PDS5A: variants seen among roughly 807,000 people sequenced by gnomAD.
PDS5A encodes sister chromatid cohesion protein PDS5 homolog A.
In PDS5A, 42 loss-of-function variants were observed where a neutral mutation model predicts 167.1. The ratio of observed to expected loss-of-function variants is 0.25; its 90% CI spans 0.20 to 0.33. The LOEUF is 0.33. Ranked by LOEUF, PDS5A falls within the 10% of genes least tolerant of loss-of-function variation. The pLI, the probability that PDS5A is intolerant of heterozygous loss-of-function variation, is 1.00. For synonymous variants in PDS5A, 553 were observed against 554.6 expected, an observed-to-expected ratio of 1.00 and a Z score of 0.04; for missense variants, 1,033 against 1,605.9, an observed-to-expected ratio of 0.64 and a Z score of 6.10.
intron 8 of PDS5A, 30 bp downstream of exon 8, chr4:39,917,018 A>G (rs1317684902): frequency 7.3e-7 from 1 of 1,363,662 alleles, no homozygotes; most frequent in Non-Finnish European, 9.6e-7. Context: ...AAAAAATTAA[A>G]AAAAAAAAAA....
chr4:39,885,438 A>G (rs1159100638), intron 17 of PDS5A, among the ~76,000 whole-genome samples: 1 of 151,512 alleles, frequency 6.6e-6, no homozygotes, highest in East Asian at 1.9e-4. Context: ...CTTCTCTACT[A>G]AAGAACTTTT....
At chr4:39,890,018 C>T (rs868642649) in intron 17 of PDS5A, among the ~76,000 whole-genome samples, 12 of 152,096 alleles carry the variant, frequency 7.9e-5, no homozygotes, top group African/African-American at 1.4e-4. Flanking sequence ...TTAATGAGAA[C>T]GCATAAGCTA....
At chr4:39,827,762 CCA>C (rs752358405) in intron 32 of PDS5A, among the ~76,000 whole-genome samples, 3 of 152,096 alleles carry the variant, frequency 2.0e-5, no homozygotes, top group Admixed American at 6.6e-5. Context: ...GACTAGAAAC[CCA>C]CAGTCTGTTA....
chr4:39,823,988 T>C lies in PDS5A; in HGVS notation c.*1497A>G, dbSNP rs957856154. On this transcript the variant is annotated 3_prime_UTR_variant, in exon 33 of 33. Transcript: ENST00000303538. ...ACTACAGCCTATCAAGACGAAGTTA[T>C]AACACAAATGTTGTTTCCTCTGACC... 6.6e-5 allele frequency: 10 copies of C among 152,232 alleles called. No individual in the cohort carries two copies. The highest frequency in any genetic ancestry group is 3.1e-3 in the Middle Eastern group (1 of 318). 9.4% of individuals were successfully genotyped at this position (152,232 alleles called of 1,614,324 possible). A position where few individuals can be genotyped will look rare whatever the true frequency, so the allele number is the denominator to read the frequency against.
At chr4:39,893,307 T>A (rs1376954492) in intron 16 of PDS5A, among the ~76,000 whole-genome samples, 2 of 152,156 alleles carry the variant, frequency 1.3e-5, no homozygotes, top group African/African-American at 2.4e-5. Flanking sequence ...CACTGCTCAC[T>A]CTCATTCATT....
intron 17 of PDS5A, 54 bp downstream of exon 17, chr4:39,890,195 C>T (rs1222853242): frequency 3.1e-6 from 3 of 961,820 alleles, no homozygotes; most frequent in East Asian, 2.6e-5. Flanking sequence ...AAATTAACAA[C>T]ATTGTCGTTG....
chr4:39,912,335 G>A (rs1264461038), intron 9 of PDS5A, among the ~76,000 whole-genome samples: 1 of 152,152 alleles, frequency 6.6e-6, no homozygotes, highest in Non-Finnish European at 1.5e-5. Flanking sequence ...ATGAAGCCTT[G>A]CGTTTTTGCT....
chr4:39,906,192 ACC>A (rs944250708), intron 11 of PDS5A, among the ~76,000 whole-genome samples: 2 of 152,040 alleles, frequency 1.3e-5, no homozygotes, highest in African/African-American at 4.8e-5. Context: ...ACATGGTGAA[ACC>A]CCGTCTCTAC....
intron 16 of PDS5A, among the ~76,000 whole-genome samples, chr4:39,896,018 C>G (rs910606883): frequency 6.4e-5 from 9 of 141,550 alleles, no homozygotes; most frequent in African/African-American, 2.3e-4. Context: ...GCCACCACAC[C>G]TGGCCCGGTT....
At chr4:39,896,514 C>T (rs1218341170) in intron 16 of PDS5A, among the ~76,000 whole-genome samples, 1 of 151,846 alleles carries the variant, frequency 6.6e-6, no homozygotes, top group Non-Finnish European at 1.5e-5. Flanking sequence ...CACCTGTAAT[C>T]CCAATATTTT....
intron 2 of PDS5A, among the ~76,000 whole-genome samples, chr4:39,971,942 C>T (rs550258877): frequency 1.3e-5 from 2 of 152,104 alleles, no homozygotes; most frequent in East Asian, 3.9e-4. Flanking sequence ...AAAGAAGGAT[C>T]CCTAATTAAG....
At chr4:39,933,854 A>G (rs1383365096) in intron 2 of PDS5A, among the ~76,000 whole-genome samples, 2 of 152,218 alleles carry the variant, frequency 1.3e-5, no homozygotes, top group South Asian at 2.1e-4. Context: ...AGTTGAAGTC[A>G]TAATTCTCGT....
intron 3 of PDS5A, among the ~76,000 whole-genome samples, chr4:39,927,590 TA>T (rs1323405796): frequency 6.6e-6 from 1 of 152,222 alleles, no homozygotes; most frequent in African/African-American, 2.4e-5. Flanking sequence ...GAATAACTTA[TA>T]GGGGAAAATA....
chr4:39,911,692 C>A lies in PDS5A; in HGVS notation c.993-1354G>T, dbSNP rs76965524. On this transcript the variant is annotated intron_variant, in intron 9 of 32. Transcript: ENST00000303538. ...CTAAAAATACAAAAAATTAGCCGGG[C>A]GCACTGGCGGGCGCCTGTAGTCCCA... Among the ~76,000 whole-genome samples, 470 of 151,980 alleles carry A rather than the reference C, an allele frequency of 3.1e-3. 25 individuals are homozygous for A. The East Asian group carries it at 0.081, about 26-fold the overall frequency.
chr4:39,941,180 A>C (rs2109766205), intron 2 of PDS5A, among the ~76,000 whole-genome samples: 1 of 151,986 alleles, frequency 6.6e-6, no homozygotes, highest in East Asian at 1.9e-4. Flanking sequence ...TAGACTTTTA[A>C]GTTCTGTGAA....
At chr4:39,832,448 C>T (rs780353234) in intron 32 of PDS5A, among the ~76,000 whole-genome samples, 2 of 151,942 alleles carry the variant, frequency 1.3e-5, no homozygotes, top group African/African-American at 2.4e-5. Flanking sequence ...CTCCTGACCT[C>T]GTGATCCACC....
intron 2 of PDS5A, among the ~76,000 whole-genome samples, chr4:39,939,772 G>A (rs930542209): frequency 2.0e-5 from 3 of 152,020 alleles, no homozygotes; most frequent in African/African-American, 7.2e-5. Flanking sequence ...ACTCCAGCCT[G>A]GACAAAAGAG....
intron 32 of PDS5A, among the ~76,000 whole-genome samples, chr4:39,829,982 A>AAAAAAAAAAAAAAAAAC (rs1715703178): frequency 8.0e-6 from 1 of 125,244 alleles, no homozygotes; most frequent in African/African-American, 2.9e-5. Flanking sequence ...AAAAAAAAAA[A>AAAAAAAAAAAAAAAAAC]AAGAAATTTC....
chr4:39,848,492 A>C (rs1717840283), intron 28 of PDS5A: 1 of 216,698 alleles, frequency 4.6e-6, no homozygotes, highest in Admixed American at 5.2e-5. Context: ...AGATGAAGAA[A>C]TGGAGGCTTA....
Sources: allele counts gnomAD v4.1 joint callset (sites outside exome capture counted in the v4.1 genomes callset), GRCh38; gene constraint gnomAD v4.1.1; transcripts MANE v1.5; gene names NCBI Gene and HGNC (gene_info 2026-07-23, HGNC 2026-07-21).